FH: variants seen among roughly 807,000 people sequenced by gnomAD.
FH encodes fumarate hydratase.
Under a neutral mutation model 49.4 loss-of-function variants are expected in FH, and 22 were observed. The ratio of observed to expected loss-of-function variants is 0.45; its 90% CI spans 0.32 to 0.64. FH has a LOEUF of 0.64. FH is among the 30% of genes least tolerant of loss of function. The probability of loss-of-function intolerance (pLI) is 0.05; values close to 1 mark genes in which losing one functional copy is unlikely to be tolerated. For synonymous variants in FH, 208 were observed against 223.0 expected, an observed-to-expected ratio of 0.93 and a Z score of 0.60; for missense variants, 526 against 641.5, an observed-to-expected ratio of 0.82 and a Z score of 1.95.
intron 9 of FH, among the ~76,000 whole-genome samples, chr1:241,498,274 A>C (rs919394135): frequency 6.6e-6 from 1 of 152,190 alleles, no homozygotes; most frequent in Non-Finnish European, 1.5e-5. Context: ...TAGCACCACG[A>C]CATAAAAATA....
rs756326120 is a variant in FH, at chr1:241,500,487, T to G, written c.1340A>C (p.Lys447Thr). ...GIQANTERIN[K>T]LMNESLMLVT... Reference sequence around the variant, plus strand: ...CAACATTAGAGACTCATTCATCAGCTTGTTGATCCTTTCTGTATTGGCCTG... The same window carrying G: ...CAACATTAGAGACTCATTCATCAGCGTGTTGATCCTTTCTGTATTGGCCTG... The change falls in exon 9 of 10, where the codon AAG becomes ACG. Residue 447 changes from lysine (K) to threonine (T), a missense_variant. This residue lies in a region of FH where 383 missense variants were observed against 514.0 expected (regional missense o/e 0.75). Coordinates refer to ENST00000366560, the MANE Select transcript of FH (RefSeq NM_000143.4). 1.9e-6 allele frequency: 3 copies of G among 1,614,078 alleles called. No individual in the cohort carries two copies. In the South Asian group the frequency reaches 3.3e-5, roughly 18 times the overall value.
chr1:241,512,049 C>T lies in FH; in HGVS notation c.473G>A (p.Ser158Asn), dbSNP rs1060500902. The T allele has an allele frequency of 1.2e-6, 2 of 1,613,842 alleles. No individual in the cohort carries two copies. Among genetic ancestry groups the T allele is most frequent in the South Asian group, 1.1e-5 (1 of 91,072 alleles). Residue 158 changes from serine to asparagine, a missense_variant, in exon 4 of 10, where the codon AGC becomes AAC. Coordinates refer to ENST00000366560, the MANE Select transcript of FH (RefSeq NM_000143.4). ...TCCTAACATTTCAATTGCTCTATTG[C>T]TAATGACTTCATTTACATTCATATT... ...QTNMNVNEVISNRAIEMLGGE... is the reference protein window; with the variant it reads ...QTNMNVNEVINNRAIEMLGGE...
intron 4 of FH, among the ~76,000 whole-genome samples, chr1:241,509,592 A>T (rs533937393): frequency 1.3e-5 from 2 of 152,324 alleles, no homozygotes; most frequent in African/African-American, 2.4e-5. Context: ...TGGGCAACAC[A>T]GAGCAATACC....
intron 2 of FH, among the ~76,000 whole-genome samples, chr1:241,514,080 G>T (rs1660159427): frequency 1.3e-5 from 2 of 152,046 alleles, no homozygotes; most frequent in South Asian, 4.1e-4. Flanking sequence ...AACAAATTTA[G>T]TACTCAATCT....
At chr1:241,518,867 T>C (rs1660289781) in intron 1 of FH, among the ~76,000 whole-genome samples, 2 of 152,244 alleles carry the variant, frequency 1.3e-5, no homozygotes, top group African/African-American at 4.8e-5. Flanking sequence ...TTTAAGTTCT[T>C]AGCTGGCTTT....
rs368174074 is a variant in FH, at chr1:241,519,390, G to C, written c.132+201C>G. On this transcript the variant is annotated intron_variant, in intron 1 of 9. Transcript: ENST00000366560. ...CCCGTCCCTCCCCAAGCGCTCTCCC[G>C]GGCTGCGGCTCCATCCCTGCGCCGG... 1.9e-3 allele frequency: 1,169 copies of C among 606,832 alleles called. 9 individuals are homozygous for C. The highest frequency in any genetic ancestry group is 0.019 in the African/African-American group (967 of 50,534). 37.6% of individuals were successfully genotyped at this position (606,832 alleles called of 1,614,324 possible).
chr1:241,498,698 T>C (rs1463110481), intron 9 of FH, among the ~76,000 whole-genome samples: 3 of 8,764 alleles, frequency 3.4e-4, no homozygotes, highest in Non-Finnish European at 5.2e-4. Flanking sequence ...TCTTAACATA[T>C]ATATATATAT....
chr1:241,513,860 G>A, intron 2 of FH, 147 bp from the exon 3 acceptor site: 4 of 654,368 alleles, frequency 6.1e-6, no homozygotes, highest in Non-Finnish European at 1.1e-5. Flanking sequence ...TATAGAGAAA[G>A]ATTATAGACA....
At chr1:241,512,876 G>A (rs970074559) in intron 3 of FH, among the ~76,000 whole-genome samples, 1 of 151,862 alleles carries the variant, frequency 6.6e-6, no homozygotes, top group Non-Finnish European at 1.5e-5. Flanking sequence ...CTATTAGCAT[G>A]TTGGCATCCC....
intron 8 of FH, among the ~76,000 whole-genome samples, chr1:241,500,843 C>T (rs1488249569): frequency 1.3e-5 from 2 of 152,024 alleles, no homozygotes; most frequent in African/African-American, 2.4e-5. Context: ...GACTAAAACA[C>T]AAAATAGCCC....
At chr1:241,504,780 T>G (rs1256889277) in intron 6 of FH, among the ~76,000 whole-genome samples, 1 of 152,040 alleles carries the variant, frequency 6.6e-6, no homozygotes, top group Admixed American at 6.6e-5. Flanking sequence ...ATAACAAGTA[T>G]GATAAATGTA....
At chr1:241,504,809 T>G (rs557592832) in intron 6 of FH, among the ~76,000 whole-genome samples, 3 of 151,980 alleles carry the variant, frequency 2.0e-5, no homozygotes, top group Non-Finnish European at 4.4e-5. Flanking sequence ...AAAAACACAA[T>G]CCTACTGCAA....
intron 1 of FH, 149 bp from the exon 2 acceptor site, chr1:241,517,465 C>T: frequency 4.8e-6 from 4 of 828,378 alleles, no homozygotes; most frequent in African/African-American, 3.4e-5. Flanking sequence ...CTCTTCCTCA[C>T]TTTCAGGTCT....
chr1:241,506,033 T>C lies in FH; in HGVS notation c.874A>G (p.Lys292Glu), dbSNP rs771087739. 1.2e-6 allele frequency: 2 copies of C among 1,613,896 alleles called. No homozygotes were observed. The highest frequency in any genetic ancestry group is 1.7e-6 in the Non-Finnish European group (2 of 1,179,938). Residue 292 changes from lysine to glutamate, a missense_variant, in exon 6 of 10, where the codon AAG (lysine) becomes GAG (glutamate). By Grantham distance (56) the Lys-to-Glu change is moderately conservative. Around this residue, in one of 2 missense-constraint regions of FH, gnomAD observed 383 missense variants for 514.0 expected, o/e 0.75. Transcript: ENST00000366560. Reference protein sequence around the residue: ...GLNTRIGFAEKVAAKVAALTG... With the variant: ...GLNTRIGFAEEVAAKVAALTG... ...AGTGCAGCCACTTTTGCAGCAACCTTTTCTGCAAAGCCAATTCTAGTATTT... is the reference window on the plus strand; with the variant it reads ...AGTGCAGCCACTTTTGCAGCAACCTCTTCTGCAAAGCCAATTCTAGTATTT...
intron 4 of FH, among the ~76,000 whole-genome samples, chr1:241,511,021 C>T (rs1397248432): frequency 1.3e-5 from 2 of 152,144 alleles, no homozygotes; most frequent in East Asian, 1.9e-4. Context: ...AATGAGAAAA[C>T]GTCAGACACA....
chr1:241,497,856 T>C lies in FH; in HGVS notation c.1505A>G (p.Lys502Arg). 1 of 1,612,136 alleles carries C rather than the reference T, an allele frequency of 6.2e-7. No individual in the cohort carries two copies. The highest frequency in any genetic ancestry group is 8.5e-7 in the Non-Finnish European group (1 of 1,179,642). Residue 502 changes from lysine (K) to arginine (R), a missense_variant, in exon 10 of 10, where the codon AAA becomes AGA. Physicochemically the swap from Lys to Arg is conservative, Grantham distance 26. Coordinates refer to ENST00000366560, the MANE Select transcript of FH (RefSeq NM_000143.4). ...CTTTGGACCCAGCATGTCCTTAGGT[T>C]TTACCCATTCGTCAAACTGCTCTGC... ...LTAEQFDEWVKPKDMLGPK is the reference protein window; with the variant it reads ...LTAEQFDEWVRPKDMLGPK
intron 1 of FH, chr1:241,519,167 G>C (rs541007918): frequency 5.1e-6 from 1 of 196,388 alleles, no homozygotes; most frequent in Admixed American, 6.4e-5. Context: ...CCAGCTATGG[G>C]GCAGGACGGT....
intron 9 of FH, 82 bp downstream of exon 9, chr1:241,500,355 C>G: frequency 2.9e-6 from 4 of 1,369,596 alleles, no homozygotes; most frequent in Middle Eastern, 1.9e-4. Flanking sequence ...TGTTCTCAAA[C>G]ACTGATCCAC....
At chr1:241,499,437 G>A (rs1659712251) in intron 9 of FH, among the ~76,000 whole-genome samples, 1 of 152,194 alleles carries the variant, frequency 6.6e-6, no homozygotes, top group South Asian at 2.1e-4. Context: ...TTTTCCAGAT[G>A]TAGTTGATGT....
Sources: gnomAD v4.1 joint callset for allele counts (sites outside exome capture counted in the v4.1 genomes callset) on GRCh38, gnomAD v4.1.1 for gene constraint, gnomAD v4.1.1 regional missense constraint, MANE v1.5 for transcripts, NCBI Gene and HGNC (gene_info 2026-07-23, HGNC 2026-07-21) for gene names.